The following DRC1 variants were observed in gnomAD, a reference collection of about 807,000 sequenced individuals.
The protein encoded by DRC1 is dynein regulatory complex subunit 1.
DRC1 carries 74 observed loss-of-function variants against 98.7 expected under a neutral mutation model. The ratio of observed to expected loss-of-function variants is 0.75; its 90% CI spans 0.62 to 0.91. The LOEUF (loss-of-function observed/expected upper bound fraction) is 0.91, where lower values mean the gene tolerates loss of function less well. DRC1 is among the 40% of genes least tolerant of loss of function. The pLI is 0.00. For synonymous variants in DRC1, 336 were observed against 334.1 expected, an observed-to-expected ratio of 1.01 and a Z score of -0.06; for missense variants, 875 against 886.0, an observed-to-expected ratio of 0.99 and a Z score of 0.16.
chr2:26,455,297 C>G, intron 16 of DRC1, 64 bp downstream of exon 16: 1 of 1,513,802 alleles, frequency 6.6e-7, no homozygotes, highest in Middle Eastern at 2.3e-4. Context: ...GGCACTGGAG[C>G]TGGGATTAGG....
rs375821474 is a variant in DRC1 at position 26,455,113 on chromosome 2, C to G, written c.2064-18C>G. The G allele has an allele frequency of 6.2e-7, 1 of 1,613,698 alleles. No individual in the cohort carries two copies. The highest frequency in any genetic ancestry group is 8.5e-7 in the Non-Finnish European group (1 of 1,179,750). ...ATGGAGGATTCAGTGAGCCTCTAAC[C>G]GATTTTTCTGTCCAAAGCCTTGTCC... On this transcript the variant is annotated intron_variant, in intron 15 of 16. Coordinates refer to ENST00000288710, the MANE Select transcript of DRC1 (RefSeq NM_145038.5).
intron 10 of DRC1, among the ~76,000 whole-genome samples, chr2:26,446,503 G>A (rs1353382030): frequency 1.3e-5 from 2 of 151,882 alleles, no homozygotes; most frequent in Non-Finnish European, 2.9e-5. Context: ...CTTTTTTTTG[G>A]TAATAAAATA....
chr2:26,416,241 T>G (rs548691402), intron 2 of DRC1, among the ~76,000 whole-genome samples: 1 of 152,136 alleles, frequency 6.6e-6, no homozygotes, highest in African/African-American at 2.4e-5. Context: ...CCCTTGACCC[T>G]GCAGTTTTTC....
intron 7 of DRC1, among the ~76,000 whole-genome samples, chr2:26,432,775 T>C (rs1451771612): frequency 1.3e-5 from 2 of 152,178 alleles, no homozygotes; most frequent in African/African-American, 4.8e-5. Flanking sequence ...GTCTCTCCCA[T>C]ATTCCAGGCA....
intron 1 of DRC1, among the ~76,000 whole-genome samples, chr2:26,413,939 TAGAG>T (rs1262153655): frequency 6.6e-6 from 1 of 151,940 alleles, no homozygotes; most frequent in East Asian, 1.9e-4. Context: ...TTTTAAATGA[TAGAG>T]ATAGTGTCTC....
At chr2:26,426,413 C>T (rs1338849882) in intron 4 of DRC1, among the ~76,000 whole-genome samples, 2 of 150,732 alleles carry the variant, frequency 1.3e-5, no homozygotes, top group Admixed American at 6.6e-5. Flanking sequence ...GTCGCCCAGG[C>T]TGGAGTGCAG....
chr2:26,415,935 CAAAAA>C (rs59566642), intron 2 of DRC1, among the ~76,000 whole-genome samples: 1 of 98,382 alleles, frequency 1.0e-5, no homozygotes, highest in African/African-American at 3.5e-5. Flanking sequence ...CTTTCTCTTT[CAAAAA>C]AAAAAAAAAA....
At chr2:26,417,415 G>A (rs1017464212) in intron 2 of DRC1, among the ~76,000 whole-genome samples, 2 of 150,930 alleles carry the variant, frequency 1.3e-5, no homozygotes, top group Non-Finnish European at 2.9e-5. Flanking sequence ...TGCAACCGCC[G>A]CCTCCTGGGT....
chr2:26,453,615 C>T (rs1664068090), intron 14 of DRC1, 66 bp downstream of exon 14: 2 of 1,482,312 alleles, frequency 1.3e-6, no homozygotes, highest in African/African-American at 2.8e-5. Context: ...GCTGGGGAGC[C>T]AGGCAGAGCC....
intron 1 of DRC1, among the ~76,000 whole-genome samples, chr2:26,405,272 A>G (rs1678380954): frequency 6.6e-6 from 1 of 152,052 alleles, no homozygotes; most frequent in Non-Finnish European, 1.5e-5. Flanking sequence ...TTTGTAAGCC[A>G]TCTTTAAAAC....
chr2:26,442,393 T>C lies in DRC1; in HGVS notation c.1029-1829T>C, dbSNP rs1340479012. On this transcript the variant is annotated intron_variant, in intron 8 of 16. Transcript: ENST00000288710. ...CAGTGGCTTCTCCTCAGGCCTCATC[T>C]ATTATGATTGGATACTGGATTTTCT... 2.0e-5 allele frequency among the ~76,000 whole-genome samples: 3 copies of C among 152,318 alleles called. No homozygotes were observed. In the East Asian group the frequency reaches 5.8e-4, roughly 29 times the overall value.
chr2:26,432,863 A>G (rs1319591162), intron 7 of DRC1, among the ~76,000 whole-genome samples: 1 of 152,232 alleles, frequency 6.6e-6, no homozygotes, highest in East Asian at 1.9e-4. Context: ...AGACAAAGCT[A>G]TATATCTAGT....
chr2:26,449,896 G>A lies in DRC1; in HGVS notation c.1510-100G>A, dbSNP rs1233561150. ...TCCCATCCCTGGGCGTCTGCTCCGT[G>A]GCATGGTCCCTGGAGTGTTACACAG... On this transcript the variant is annotated intron_variant, in intron 11 of 16. Coordinates refer to ENST00000288710, the MANE Select transcript of DRC1 (RefSeq NM_145038.5). 2.8e-6 allele frequency: 3 copies of A among 1,065,878 alleles called. No individual in the cohort carries two copies. The South Asian group carries it at 4.4e-5, about 16-fold the overall frequency. 66.0% of individuals were successfully genotyped at this position (1,065,878 alleles called of 1,614,324 possible). A position where few individuals can be genotyped will look rare whatever the true frequency, so the allele number is the denominator to read the frequency against.
At chr2:26,414,251 A>G in intron 1 of DRC1, 93 bp from the exon 2 acceptor site, 1 of 1,286,736 alleles carries the variant, frequency 7.8e-7, no homozygotes, top group Non-Finnish European at 1.1e-6. Flanking sequence ...TGTTGGGATT[A>G]CAGGCATGAG....
chr2:26,417,751 G>C (rs1206504087), intron 2 of DRC1, among the ~76,000 whole-genome samples: 1 of 152,110 alleles, frequency 6.6e-6, no homozygotes, highest in African/African-American at 2.4e-5. Context: ...TCTTTAATTT[G>C]GCTCAGCAAT....
chr2:26,432,083 C>A, intron 7 of DRC1, 77 bp downstream of exon 7: 2 of 1,537,590 alleles, frequency 1.3e-6, no homozygotes, highest in East Asian at 2.4e-5. Flanking sequence ...TCATATTTAG[C>A]AACTACCTGT....
intron 2 of DRC1, among the ~76,000 whole-genome samples, chr2:26,418,681 T>G: frequency 1.1e-5 from 1 of 88,250 alleles, no homozygotes; most frequent in African/African-American, 4.5e-5. Flanking sequence ...TTAAATATAA[T>G]TTATATTATA....
rs768921026 is a variant in DRC1, at chr2:26,440,453, G to A, written c.964G>A (p.Val322Met). Reference sequence around the variant, plus strand: ...AGAGAAATTAGAGTACAACTTGCAGGTGCTGAAGAAGAGAGATGAAGAAAG... The same window carrying A: ...AGAGAAATTAGAGTACAACTTGCAGATGCTGAAGAAGAGAGATGAAGAAAG... ...NQEKLEYNLQVLKKRDEESTV... is the reference protein window; with the variant it reads ...NQEKLEYNLQMLKKRDEESTV... Residue 322 changes from valine to methionine, a missense_variant, in exon 8 of 17, where the codon GTG (valine) becomes ATG (methionine). Coordinates refer to ENST00000288710, the MANE Select transcript of DRC1 (RefSeq NM_145038.5). 29 of 1,613,258 alleles carry A rather than the reference G, an allele frequency of 1.8e-5. No homozygotes were observed. The highest frequency in any genetic ancestry group is 2.3e-5 in the Non-Finnish European group (27 of 1,179,728).
Position 26,414,379 on chromosome 2 carries a change from A to G in DRC1, c.191A>G (p.Glu64Gly), listed in dbSNP as rs138917435. 5.8e-5 allele frequency: 94 copies of G among 1,613,820 alleles called. No homozygotes were observed. The highest frequency in any genetic ancestry group is 1.2e-5 in the Non-Finnish European group (14 of 1,179,950). Residue 64 changes from glutamate to glycine, a missense_variant, in exon 2 of 17, where the codon GAG becomes GGG. Transcript: ENST00000288710. Reference protein sequence around the residue: ...ALGEYLDGKKESEEDQSKSYK... With the variant: ...ALGEYLDGKKGSEEDQSKSYK... ...GGAGAATATTTAGATGGGAAGAAGGAGAGTGAGGAGGATCAAAGCAAGAGC... is the reference window on the plus strand; with the variant it reads ...GGAGAATATTTAGATGGGAAGAAGGGGAGTGAGGAGGATCAAAGCAAGAGC...
Sources: gnomAD v4.1 joint callset for allele counts (sites outside exome capture counted in the v4.1 genomes callset) on GRCh38, gnomAD v4.1.1 for gene constraint, MANE v1.5 for transcripts, NCBI Gene and HGNC (gene_info 2026-07-23, HGNC 2026-07-21) for gene names.